Variants in RBMS3 observed in about 807,000 individuals in gnomAD.
The protein encoded by RBMS3 is RNA-binding motif, single-stranded-interacting protein 3.
RBMS3 carries 27 observed loss-of-function variants against 66.8 expected under a neutral mutation model. The observed-to-expected ratio is 0.40, with a 90% CI of 0.30 to 0.56. RBMS3 has a LOEUF of 0.56. Ranked by LOEUF, RBMS3 falls within the 20% of genes least tolerant of loss-of-function variation. The pLI, the probability that RBMS3 is intolerant of heterozygous loss-of-function variation, is 0.40. For synonymous variants in RBMS3, 188 were observed against 183.0 expected, an observed-to-expected ratio of 1.03 and a Z score of -0.22; for missense variants, 513 against 549.5, an observed-to-expected ratio of 0.93 and a Z score of 0.66.
At chr3:29,816,514 T>G (rs575561902) in intron 6 of RBMS3, among the ~76,000 whole-genome samples, 1 of 152,292 alleles carries the variant, frequency 6.6e-6, no homozygotes, top group Non-Finnish European at 1.5e-5. Context: ...CAACTTTTTT[T>G]TTGTTAATTG....
intron 4 of RBMS3, among the ~76,000 whole-genome samples, chr3:29,666,635 AC>A (rs1449596577): frequency 5.1e-3 from 3 of 588 alleles, no homozygotes; most frequent in African/African-American, 0.013. Flanking sequence ...ATTATGCAAA[AC>A]CAATTTTTAT....
chr3:29,341,093 T>A (rs1207572154), intron 1 of RBMS3, among the ~76,000 whole-genome samples: 1 of 152,028 alleles, frequency 6.6e-6, no homozygotes, highest in African/African-American at 2.4e-5. Flanking sequence ...GGAAAATTAA[T>A]CCATGTAAAT....
chr3:29,886,749 GA>G (rs1254022484), intron 8 of RBMS3, among the ~76,000 whole-genome samples: 1 of 151,472 alleles, frequency 6.6e-6, no homozygotes, highest in Non-Finnish European at 1.5e-5. Context: ...AAATAATGAA[GA>G]CTATATTGGA....
At chr3:29,470,029 A>G (rs1293616005) in intron 2 of RBMS3, among the ~76,000 whole-genome samples, 1 of 147,780 alleles carries the variant, frequency 6.8e-6, no homozygotes, top group Non-Finnish European at 1.5e-5. Flanking sequence ...AATGATTAAA[A>G]TATATAAAAG....
At chr3:29,808,049 C>A (rs368383281) in intron 6 of RBMS3, among the ~76,000 whole-genome samples, 1 of 151,928 alleles carries the variant, frequency 6.6e-6, no homozygotes, top group Non-Finnish European at 1.5e-5. Context: ...ACTTCTCCAA[C>A]ACCAGGTTTA....
intron 4 of RBMS3, among the ~76,000 whole-genome samples, chr3:29,605,269 A>G (rs2149124247): frequency 6.6e-6 from 1 of 152,018 alleles, no homozygotes; most frequent in East Asian, 1.9e-4. Context: ...TAGGTATTAT[A>G]GGCATTGACT....
At chr3:29,855,984 A>T (rs2059064962) in intron 6 of RBMS3, among the ~76,000 whole-genome samples, 1 of 152,234 alleles carries the variant, frequency 6.6e-6, no homozygotes, top group African/African-American at 2.4e-5. Flanking sequence ...TAAATAAATG[A>T]GTGAGCTGAG....
chr3:29,381,375 G>A (rs1359115384), intron 1 of RBMS3, among the ~76,000 whole-genome samples: 1 of 152,138 alleles, frequency 6.6e-6, no homozygotes, highest in African/African-American at 2.4e-5. Flanking sequence ...AATGGTATGT[G>A]CTACCTTTTT....
intron 5 of RBMS3, among the ~76,000 whole-genome samples, chr3:29,747,561 C>G (rs2054978561): frequency 6.6e-6 from 1 of 152,134 alleles, no homozygotes. Context: ...CTTTTACAGA[C>G]CAACATTCTA....
chr3:29,360,552 G>A lies in RBMS3; in HGVS notation c.76-74191G>A, dbSNP rs140698618. ...ATTTGGGGTGAAGAGTTCTGTAGAT[G>A]TCTATTAGGTCTGCTTGGTGCAGAG... On this transcript the variant is annotated intron_variant, in intron 1 of 14. Coordinates refer to ENST00000383767, the MANE Select transcript of RBMS3 (RefSeq NM_001003793.3). 5.8e-3 allele frequency among the ~76,000 whole-genome samples: 875 copies of A among 152,108 alleles called. 18 individuals carry two copies. The highest frequency in any genetic ancestry group is 0.02 in the African/African-American group (832 of 41,396).
chr3:29,391,598 G>C (rs1285172377), intron 1 of RBMS3, among the ~76,000 whole-genome samples: 1 of 152,142 alleles, frequency 6.6e-6, no homozygotes, highest in Non-Finnish European at 1.5e-5. Flanking sequence ...TAAGCTGAGA[G>C]TATTCCTAGC....
chr3:29,461,039 A>T (rs1347395876), intron 2 of RBMS3, among the ~76,000 whole-genome samples: 2 of 152,206 alleles, frequency 1.3e-5, no homozygotes, highest in Admixed American at 1.3e-4. Context: ...ATTTTCCTTA[A>T]CAGAAAATGT....
chr3:29,299,813 C>T (rs545260603), intron 1 of RBMS3, among the ~76,000 whole-genome samples: 18 of 151,798 alleles, frequency 1.2e-4, no homozygotes, highest in African/African-American at 3.9e-4. Context: ...TGGAATCAAT[C>T]CCCCACAGAT....
intron 4 of RBMS3, among the ~76,000 whole-genome samples, chr3:29,595,964 G>A (rs536448899): frequency 1.6e-4 from 25 of 152,288 alleles, no homozygotes; most frequent in African/African-American, 5.8e-4. Context: ...AATGAGCCAC[G>A]CTTGCTGAGC....
At chr3:29,726,885 C>A (rs1258298192) in intron 4 of RBMS3, among the ~76,000 whole-genome samples, 3 of 151,904 alleles carry the variant, frequency 2.0e-5, no homozygotes, top group African/African-American at 7.3e-5. Context: ...CATATAGAAC[C>A]AAAAAAGAGC....
chr3:29,994,602 C>T (rs1342274968), intron 14 of RBMS3, among the ~76,000 whole-genome samples: 1 of 152,240 alleles, frequency 6.6e-6, no homozygotes, highest in Admixed American at 6.5e-5. Flanking sequence ...CAGACTGCCT[C>T]CTCAAGTGGG....
chr3:29,935,130 T>C (rs563277877), intron 10 of RBMS3, among the ~76,000 whole-genome samples: 1 of 152,128 alleles, frequency 6.6e-6, no homozygotes, highest in Non-Finnish European at 1.5e-5. Context: ...AAAGATTCCA[T>C]CCAATTCAAG....
At chr3:29,701,667 G>A (rs758173816) in intron 4 of RBMS3, among the ~76,000 whole-genome samples, 1 of 152,104 alleles carries the variant, frequency 6.6e-6, no homozygotes, top group East Asian at 1.9e-4. Context: ...GCCCGCACTC[G>A]GAGAGGCTGG....
At chr3:29,833,223 T>A (rs148694729) in intron 6 of RBMS3, among the ~76,000 whole-genome samples, 153 of 152,268 alleles carry the variant, frequency 1.0e-3, no homozygotes, top group African/African-American at 3.5e-3. Flanking sequence ...CTTCTTCAAA[T>A]GAGAATACAG....
Sources: allele counts gnomAD v4.1 joint callset (sites outside exome capture counted in the v4.1 genomes callset), GRCh38; gene constraint gnomAD v4.1.1; transcripts MANE v1.5; gene names NCBI Gene and HGNC (gene_info 2026-07-23, HGNC 2026-07-21).